Variants in SMG1 observed in about 807,000 individuals in gnomAD.
SMG1 encodes serine/threonine-protein kinase SMG1.
Under a neutral mutation model 419.9 loss-of-function variants are expected in SMG1, and 22 were observed. That is an observed-to-expected ratio of 0.05 (90% CI 0.04 to 0.07). The LOEUF is 0.07. SMG1 is among the 10% of genes least tolerant of loss of function. The pLI, the probability that SMG1 is intolerant of heterozygous loss-of-function variation, is 1.00. For missense variants in SMG1, 3,185 were observed against 4,342.0 expected (o/e 0.73, Z 7.49); for synonymous variants, 1,538 against 1,553.5 (o/e 0.99, Z 0.23).
At position 18,853,748 on chromosome 16, in the gene SMG1, C is replaced by T; in HGVS notation, c.4603G>A (p.Glu1535Lys). The change falls in exon 31 of 63, where the codon GAA becomes AAA. Residue 1535 changes from glutamate (E) to lysine (K), a missense_variant. Transcript: ENST00000446231. ...AGCTGTCCTGAAATCTCTTTCCATTCTGCCTGGATCCATTTAGCCAGTGTC... is the reference window on the plus strand; with the variant it reads ...AGCTGTCCTGAAATCTCTTTCCATTTTGCCTGGATCCATTTAGCCAGTGTC... ...ILTLAKWIQA[E>K]WKEISGQLKQ... The T allele has an allele frequency of 2.5e-6, 4 of 1,613,960 alleles. No individual in the cohort carries two copies. The highest frequency in any genetic ancestry group is 3.4e-6 in the Non-Finnish European group (4 of 1,179,874).
chr16:18,845,438 T>A lies in SMG1; in HGVS notation c.6210A>T (p.Pro2070=). The change falls in exon 39 of 63, where the codon CCA becomes CCT. Residue 2070 remains proline (P), a synonymous_variant. Transcript: ENST00000446231. The stretch of plus-strand genomic sequence containing the variant: ...TGGGATTATTCTGTACCTCTTTAAA[T>A]GGAATCCAGCTGCTCCCAGGCTTTG... ...NPAKPGSSWI[P]FKEIMLSLQQ... The A allele has an allele frequency of 6.2e-7, 1 of 1,613,772 alleles. No homozygotes were observed.
rs1258265700 is a variant in SMG1 at position 18,872,569 on chromosome 16, A to G, written c.1946T>C (p.Val649Ala). Residue 649 changes from valine to alanine, a missense_variant, in exon 14 of 63, where the codon GTG (valine) becomes GCG (alanine). Transcript: ENST00000446231. ...GAAGTGAACAGCCAGGTCACTGTGC[A>G]CAATCATCAGATTCTTACTCAGAAG... ...FALLSKNLMIVHSDLAVHFPA... is the reference protein window; with the variant it reads ...FALLSKNLMIAHSDLAVHFPA... 1 of 1,490,012 alleles carries G rather than the reference A, an allele frequency of 6.7e-7. No homozygotes were observed. Among genetic ancestry groups the G allele is most frequent in the East Asian group, 2.4e-5 (1 of 41,434 alleles). The allele number at this position is 1,490,012 out of a possible 1,614,324, so 92.3% of individuals were successfully genotyped here.
Position 18,837,333 on chromosome 16 carries a change from C to A in SMG1, c.7524G>T (p.Leu2508=), listed in dbSNP as rs575207794. 8 of 1,614,018 alleles carry A rather than the reference C, an allele frequency of 5.0e-6. No individual in the cohort carries two copies. In the East Asian group the frequency reaches 1.1e-4, roughly 22 times the overall value. The change falls in exon 46 of 63, where the codon CTG becomes CTT. Residue 2508 remains leucine, a synonymous_variant. Coordinates refer to ENST00000446231, the MANE Select transcript of SMG1 (RefSeq NM_015092.5). ...CTATTTCCTCCAGTAGTTTGCCCTGCAGTTTTTCCACATCTGTCAGTTGCT... is the reference window on the plus strand; with the variant it reads ...CTATTTCCTCCAGTAGTTTGCCCTGAAGTTTTTCCACATCTGTCAGTTGCT... The part of the protein sequence containing the change: ...LQEQLTDVEK[L]QGKLLEEIEF...
At chr16:18,854,082 C>CTTTTTTTTTT (rs11448105) in intron 30 of SMG1, among the ~76,000 whole-genome samples, 2 of 84,012 alleles carry the variant, frequency 2.4e-5, no homozygotes, top group African/African-American at 5.1e-5. Context: ...AAATACTAAA[C>CTTTTTTTTTT]TTTTTTTTTT....
At chr16:18,864,783 G>T (rs373165177) in intron 23 of SMG1, among the ~76,000 whole-genome samples, 60 of 152,254 alleles carry the variant, frequency 3.9e-4, no homozygotes, top group African/African-American at 1.2e-3. Context: ...AGCCCCAAAG[G>T]AGTCTTATTT....
chr16:18,834,541 C>T, intron 49 of SMG1, 103 bp from the exon 50 acceptor site: 1 of 1,114,496 alleles, frequency 9.0e-7, no homozygotes, highest in Non-Finnish European at 1.3e-6. Flanking sequence ...TTTTGGGAGG[C>T]CGAGGCAGGT....
intron 1 of SMG1, among the ~76,000 whole-genome samples, chr16:18,907,032 C>T (rs1445510706): frequency 6.6e-6 from 1 of 152,152 alleles, no homozygotes; most frequent in African/African-American, 2.4e-5. Context: ...GCCTGTAATC[C>T]CAGCACTTTG....
intron 59 of SMG1, 47 bp from the exon 60 acceptor site, chr16:18,815,328 T>C: frequency 6.5e-7 from 1 of 1,528,388 alleles, no homozygotes. Flanking sequence ...TTTTACCTGA[T>C]ACTACTTATA....
rs1032707851 is a variant in SMG1 at position 18,839,852 on chromosome 16, A to G, written c.6791T>C (p.Val2264Ala). ...YSKIGPALKT[V>A]GLSLDVSRRD... ...ACGGGACACATCCAGGCTAAGCCCA[A>G]CTGTTTTCAAAGCAGGGCCAATTTT... Residue 2264 changes from valine to alanine, a missense_variant, in exon 42 of 63, where the codon GTT (valine) becomes GCT (alanine). Around this residue, in one of 27 missense-constraint regions of SMG1, gnomAD observed 132 missense variants for 151.0 expected, o/e 0.87. Transcript: ENST00000446231. 5.0e-6 allele frequency: 8 copies of G among 1,613,700 alleles called. No individual in the cohort carries two copies. Among genetic ancestry groups the G allele is most frequent in the African/African-American group, 1.3e-5 (1 of 74,916 alleles).
intron 1 of SMG1, among the ~76,000 whole-genome samples, chr16:18,922,659 A>G (rs1303913490): frequency 6.6e-6 from 1 of 152,128 alleles, no homozygotes; most frequent in Non-Finnish European, 1.5e-5. Context: ...TTATTTTAGT[A>G]GAGACGGGGT....
At chr16:18,894,123 T>C (rs896801982) in intron 3 of SMG1, among the ~76,000 whole-genome samples, 2 of 151,584 alleles carry the variant, frequency 1.3e-5, no homozygotes, top group African/African-American at 4.9e-5. Flanking sequence ...ACTGGATCCT[T>C]TTGGAGGGTA....
intron 6 of SMG1, among the ~76,000 whole-genome samples, 169 bp downstream of exon 6, chr16:18,889,203 C>CAGTGTA (rs2036775228): frequency 5.3e-5 from 8 of 152,056 alleles, no homozygotes; most frequent in Admixed American, 5.2e-4. Context: ...GATCCTTGAA[C>CAGTGTA]AGTGTATCCT....
intron 1 of SMG1, among the ~76,000 whole-genome samples, chr16:18,906,988 T>C (rs1486584084): frequency 2.6e-5 from 4 of 152,210 alleles, no homozygotes; most frequent in African/African-American, 7.2e-5. Flanking sequence ...TGAAACTCCT[T>C]TTTTAAAAAT....
chr16:18,866,965 C>A (rs537572432), intron 22 of SMG1, among the ~76,000 whole-genome samples, 190 bp from the exon 23 acceptor site: 27 of 152,180 alleles, frequency 1.8e-4, no homozygotes, highest in Non-Finnish European at 1.8e-4. Flanking sequence ...GGGTGACTAA[C>A]AGAACCTTAG....
intron 56 of SMG1, among the ~76,000 whole-genome samples, chr16:18,818,342 G>A (rs928011230): frequency 2.6e-5 from 4 of 151,886 alleles, no homozygotes; most frequent in East Asian, 1.9e-4. Flanking sequence ...CCAAGATCAC[G>A]CCACTGCACT....
chr16:18,915,030 G>A lies in SMG1; in HGVS notation c.92+10920C>T, dbSNP rs765531494. Among the ~76,000 whole-genome samples, 234 of 149,694 alleles carry A rather than the reference G, an allele frequency of 1.6e-3. 3 individuals are homozygous for A. The highest frequency in any genetic ancestry group is 1.4e-3 in the Non-Finnish European group (92 of 67,710). The stretch of plus-strand genomic sequence containing the variant: ...TGGCATCATCTCCACTCACTGCAAC[G>A]GCATCATCTCCACTCACTGCAACCT... On this transcript the variant is annotated intron_variant, in intron 1 of 62. Transcript: ENST00000446231.
intron 33 of SMG1, 126 bp downstream of exon 33, chr16:18,851,941 G>C: frequency 9.9e-7 from 1 of 1,006,950 alleles, no homozygotes. Flanking sequence ...TTAAAATGCA[G>C]AAGTTTTTAT....
At chr16:18,860,012 T>A (rs542372582) in intron 26 of SMG1, among the ~76,000 whole-genome samples, 60 of 151,146 alleles carry the variant, frequency 4.0e-4, no homozygotes, top group African/African-American at 1.5e-3. Flanking sequence ...AGGTCAGGAG[T>A]TCAAGACCAG....
At position 18,919,655 on chromosome 16, in the gene SMG1, TATACACAC is replaced by T. The variant is rs760734370; in HGVS notation, c.92+6287_92+6294del. Reference sequence around the variant, plus strand: ...AAAAATGTGTGTGTGTGTGTGTATATATACACACACACACACACACACACACACACACA... The same window carrying T: ...AAAAATGTGTGTGTGTGTGTGTATATACACACACACACACACACACACACA... On this transcript the variant is annotated intron_variant, in intron 1 of 62. Coordinates refer to ENST00000446231, the MANE Select transcript of SMG1 (RefSeq NM_015092.5). 3.3e-3 allele frequency among the ~76,000 whole-genome samples: 267 copies of T among 80,026 alleles called. 2 individuals carry two copies. Among genetic ancestry groups the T allele is most frequent in the African/African-American group, 1.0e-2 (208 of 20,878 alleles). 52.5% of individuals were successfully genotyped at this position (80,026 alleles called of 152,430 possible).
Sources: gnomAD v4.1 joint callset for allele counts (sites outside exome capture counted in the v4.1 genomes callset) on GRCh38, gnomAD v4.1.1 for gene constraint, gnomAD v4.1.1 regional missense constraint, MANE v1.5 for transcripts, NCBI Gene and HGNC (gene_info 2026-07-23, HGNC 2026-07-21) for gene names.